The following TXNRD1 variants were observed in gnomAD, a reference collection of about 807,000 sequenced individuals.
The protein encoded by TXNRD1 is thioredoxin reductase 1, cytoplasmic.
Under a neutral mutation model 80.3 loss-of-function variants are expected in TXNRD1, and 57 were observed. The observed-to-expected ratio is 0.71, with a 90% CI of 0.57 to 0.89. The LOEUF (loss-of-function observed/expected upper bound fraction) is 0.89, where lower values mean the gene tolerates loss of function less well. TXNRD1 is among the 40% of genes least tolerant of loss of function. The pLI, the probability that TXNRD1 is intolerant of heterozygous loss-of-function variation, is 0.00. For missense variants in TXNRD1, 730 were observed against 803.0 expected (o/e 0.91, Z 1.10); for synonymous variants, 291 against 285.2 (o/e 1.02, Z -0.20).
chr12:104,246,969 G>C (rs921311243), intron 1 of TXNRD1, among the ~76,000 whole-genome samples: 1 of 152,140 alleles, frequency 6.6e-6, no homozygotes, highest in Non-Finnish European at 1.5e-5. Context: ...GTTACAAGTG[G>C]ATAGTAAGTA....
chr12:104,313,917 A>T (rs1208619761), intron 6 of TXNRD1, among the ~76,000 whole-genome samples: 1 of 152,170 alleles, frequency 6.6e-6, no homozygotes, highest in Non-Finnish European at 1.5e-5. Context: ...GAAGTGGATA[A>T]AGGAGAATTT....
intron 3 of TXNRD1, chr12:104,265,211 C>T: frequency 9.1e-7 from 1 of 1,099,976 alleles, no homozygotes; most frequent in South Asian, 1.4e-5. Flanking sequence ...GAGATCACAC[C>T]ACTGCACTCC....
chr12:104,343,201 G>C (rs1263087063), intron 16 of TXNRD1, among the ~76,000 whole-genome samples: 1 of 152,172 alleles, frequency 6.6e-6, no homozygotes, highest in Non-Finnish European at 1.5e-5. Context: ...CTATTTGACA[G>C]ACGAGGAAAC....
chr12:104,266,151 A>G (rs1487116731), intron 3 of TXNRD1, among the ~76,000 whole-genome samples: 1 of 152,108 alleles, frequency 6.6e-6, no homozygotes, highest in Non-Finnish European at 1.5e-5. Context: ...TAGCCTTCCA[A>G]GTAGCTGGGA....
intron 16 of TXNRD1, among the ~76,000 whole-genome samples, chr12:104,344,127 A>G (rs963367875): frequency 4.6e-5 from 7 of 152,098 alleles, no homozygotes; most frequent in Non-Finnish European, 1.0e-4. Context: ...AAAATAAGGG[A>G]ATATCTAACT....
intron 3 of TXNRD1, chr12:104,286,783 C>T (rs186511444): frequency 9.8e-7 from 1 of 1,019,462 alleles, no homozygotes; most frequent in Admixed American, 5.1e-5. Flanking sequence ...AAATTTGGTT[C>T]CAGAATTGCC....
chr12:104,290,103 A>C (rs904958283), intron 4 of TXNRD1, among the ~76,000 whole-genome samples: 2 of 152,256 alleles, frequency 1.3e-5, no homozygotes, highest in African/African-American at 4.8e-5. Flanking sequence ...TTAAGAAATG[A>C]AAACATTGCC....
Position 104,311,337 on chromosome 12 carries a change from T to G in TXNRD1, c.462T>G (p.Pro154=). 6.2e-7 allele frequency: 1 copy of G among 1,612,378 alleles called. No homozygotes were observed. Among genetic ancestry groups the G allele is most frequent in the South Asian group, 1.1e-5 (1 of 90,658 alleles). Residue 154 remains proline, a synonymous_variant, in exon 5 of 17, where the codon CCT becomes CCG. Coordinates refer to ENST00000525566, the MANE Select transcript of TXNRD1 (RefSeq NM_001093771.3). The part of the protein sequence containing the change: ...RLQKLLKMNG[P]EDLPKSYDYD... ...AAAAGCTACTAAAAATGAACGGCCC[T>G]GAAGATCTTCCCAAGTCCTATGACT...
intron 1 of TXNRD1, among the ~76,000 whole-genome samples, chr12:104,226,051 A>G (rs531018276): frequency 6.6e-6 from 1 of 152,136 alleles, no homozygotes; most frequent in East Asian, 1.9e-4. Flanking sequence ...AATGCAAAAA[A>G]TTAGCTGGGC....
At chr12:104,276,149 G>T (rs1392455495) in intron 3 of TXNRD1, among the ~76,000 whole-genome samples, 1 of 152,212 alleles carries the variant, frequency 6.6e-6, no homozygotes, top group Non-Finnish European at 1.5e-5. Flanking sequence ...AGGCGGAATG[G>T]CTTAAACGGC....
At chr12:104,265,506 G>C in intron 3 of TXNRD1, 2 of 1,610,994 alleles carry the variant, frequency 1.2e-6, no homozygotes, top group Non-Finnish European at 1.7e-6. Context: ...ACTGTGGGCA[G>C]GTGTTTGAGA....
rs766639770 is a variant in TXNRD1 at position 104,348,388 on chromosome 12, G to A, written c.1917G>A (p.Gly639=). The A allele has an allele frequency of 8.1e-6, 13 of 1,613,844 alleles. No homozygotes were observed. The Admixed American group carries it at 1.2e-4, about 14-fold the overall frequency. ...FTTLSVTKRS[G]ASILQAGCUG ...CATTGTCTGTGACCAAGCGCTCTGG[G>A]GCAAGCATCCTCCAGGCTGGCTGCT... Residue 639 remains glycine (G), a synonymous_variant, in exon 17 of 17, where the codon GGG becomes GGA. Coordinates refer to ENST00000525566, the MANE Select transcript of TXNRD1 (RefSeq NM_001093771.3).
chr12:104,268,419 G>A (rs535630596), intron 3 of TXNRD1, among the ~76,000 whole-genome samples: 3 of 151,466 alleles, frequency 2.0e-5, no homozygotes, highest in East Asian at 2.1e-4. Context: ...CAGCTACTCC[G>A]GAGGGTGAGG....
intron 16 of TXNRD1, among the ~76,000 whole-genome samples, chr12:104,344,759 C>T (rs2036439209): frequency 6.6e-6 from 1 of 152,216 alleles, no homozygotes; most frequent in Admixed American, 6.5e-5. Context: ...CTAGTAATCT[C>T]TGTTCTACTT....
chr12:104,332,744 C>A (rs1267874167), intron 14 of TXNRD1, among the ~76,000 whole-genome samples: 2 of 104,566 alleles, frequency 1.9e-5, no homozygotes, highest in Admixed American at 1.1e-4. Context: ...AGAGAAACTC[C>A]GTCTCAAAAA....
At chr12:104,254,261 A>G (rs1565864072) in intron 2 of TXNRD1, among the ~76,000 whole-genome samples, 2 of 152,288 alleles carry the variant, frequency 1.3e-5, no homozygotes, top group South Asian at 4.1e-4. Context: ...AGTAAACACT[A>G]TATCAGTGTT....
intron 1 of TXNRD1, among the ~76,000 whole-genome samples, chr12:104,246,194 G>A (rs566701883): frequency 7.4e-5 from 11 of 148,054 alleles, no homozygotes; most frequent in African/African-American, 2.5e-4. Flanking sequence ...TTGGGAGGCC[G>A]AGGCGGGTGG....
At chr12:104,332,749 C>CAAAAAAA (rs34106883) in intron 14 of TXNRD1, among the ~76,000 whole-genome samples, 47 of 76,678 alleles carry the variant, frequency 6.1e-4, no homozygotes, top group African/African-American at 7.8e-4. Context: ...AACTCCGTCT[C>CAAAAAAA]AAAAAAAAAA....
chr12:104,341,111 G>T (rs2135889433), intron 16 of TXNRD1, among the ~76,000 whole-genome samples: 1 of 152,310 alleles, frequency 6.6e-6, no homozygotes, highest in Admixed American at 6.5e-5. Context: ...GCAGAAGGAT[G>T]CAGTGAGGAC....
Sources: allele counts gnomAD v4.1 joint callset (sites outside exome capture counted in the v4.1 genomes callset), GRCh38; gene constraint gnomAD v4.1.1; transcripts MANE v1.5; gene names NCBI Gene and HGNC (gene_info 2026-07-23, HGNC 2026-07-21).